The following GRM5 variants were observed in gnomAD, a reference collection of about 807,000 sequenced individuals.
GRM5 encodes the protein metabotropic glutamate receptor 5.
In GRM5, 19 loss-of-function variants were observed where a neutral mutation model predicts 83.1. The observed-to-expected ratio is 0.23, with a 90% CI of 0.16 to 0.34. The LOEUF is 0.34. Among genes scored for constraint, GRM5 ranks in the 10% least tolerant of loss-of-function variants. The probability of loss-of-function intolerance (pLI) is 1.00; values close to 1 mark genes in which losing one functional copy is unlikely to be tolerated. For synonymous variants in GRM5, 675 were observed against 633.6 expected (o/e 1.07, Z -0.98); for missense variants, 1,160 against 1,588.3 (o/e 0.73, Z 4.58).
At chr11:88,692,887 G>A (rs936935687) in intron 3 of GRM5, among the ~76,000 whole-genome samples, 4 of 152,058 alleles carry the variant, frequency 2.6e-5, no homozygotes, top group Non-Finnish European at 5.9e-5. Context: ...CATAGTCAAC[G>A]TGAGGAGAAA....
chr11:89,040,425 CAATGTCGGTTGTCGT>C (rs1941502506), intron 2 of GRM5, among the ~76,000 whole-genome samples: 1 of 152,128 alleles, frequency 6.6e-6, no homozygotes, highest in African/African-American at 2.4e-5. Context: ...GAAAGAAAGA[CAATGTCGGTTGTCGT>C]AGCTCACACC....
intron 2 of GRM5, among the ~76,000 whole-genome samples, chr11:88,983,901 T>C (rs1235968334): frequency 6.6e-6 from 1 of 152,024 alleles, no homozygotes; most frequent in Non-Finnish European, 1.5e-5. Flanking sequence ...GAAGCTAATG[T>C]GTGTGTTTCT....
At chr11:88,708,524 A>T (rs1421825569) in intron 3 of GRM5, among the ~76,000 whole-genome samples, 1 of 152,090 alleles carries the variant, frequency 6.6e-6, no homozygotes, top group Non-Finnish European at 1.5e-5. Context: ...ATGTAGTTTG[A>T]TCTTACAAAG....
intron 3 of GRM5, among the ~76,000 whole-genome samples, chr11:88,837,386 T>A (rs1424609107): frequency 6.6e-6 from 1 of 152,088 alleles, no homozygotes; most frequent in East Asian, 1.9e-4. Context: ...TAAAATGAAG[T>A]TAATAATAAT....
intron 2 of GRM5, among the ~76,000 whole-genome samples, chr11:88,891,390 C>T (rs909627337): frequency 6.6e-6 from 1 of 151,952 alleles, no homozygotes; most frequent in African/African-American, 2.4e-5. Flanking sequence ...AACAGACATA[C>T]CAAAATCAAA....
Position 88,526,527 on chromosome 11 carries a change from C to T in GRM5, c.2631-1123G>A, listed in dbSNP as rs538061320. Among the ~76,000 whole-genome samples the T allele has an allele frequency of 2.6e-5, 4 of 152,226 alleles. No individual in the cohort carries two copies. In the South Asian group the frequency reaches 8.3e-4, roughly 32 times the overall value. On this transcript the variant is annotated intron_variant, in intron 8 of 9. Transcript: ENST00000305447. ...ACCTTTTCCCTAATTAAACTGGAGC[C>T]TGGTATAACACCACTTCATCCACCT...
chr11:88,729,133 C>G (rs956340636), intron 3 of GRM5, among the ~76,000 whole-genome samples: 1 of 152,174 alleles, frequency 6.6e-6, no homozygotes, highest in Non-Finnish European at 1.5e-5. Flanking sequence ...ACCCCATCAT[C>G]ATAGCCCAAA....
chr11:89,002,965 T>C (rs1296139102), intron 2 of GRM5, among the ~76,000 whole-genome samples: 2 of 150,650 alleles, frequency 1.3e-5, no homozygotes, highest in Non-Finnish European at 3.0e-5. Context: ...TTTACTTTTC[T>C]TAGTGTCCAT....
rs113848985 is a variant in GRM5, at chr11:88,569,910, A to G, written c.1691-1918T>C. Among the ~76,000 whole-genome samples the G allele has an allele frequency of 1.8e-3, 274 of 152,308 alleles. 1 individual carries two copies. The highest frequency in any genetic ancestry group is 6.0e-3 in the African/African-American group (251 of 41,572). On this transcript the variant is annotated intron_variant, in intron 7 of 9. Transcript: ENST00000305447. The stretch of plus-strand genomic sequence containing the variant: ...TTGCAGTCAGTGGCTTTGAATATCA[A>G]TGGTTACTGGGAGGTAGGGGAGGCA...
At chr11:88,935,797 C>T (rs1002200174) in intron 2 of GRM5, among the ~76,000 whole-genome samples, 12 of 151,698 alleles carry the variant, frequency 7.9e-5, no homozygotes, top group African/African-American at 2.9e-4. Flanking sequence ...ATATTATTTC[C>T]CGTTAATTAT....
chr11:88,540,017 A>G (rs1942228183), intron 8 of GRM5, among the ~76,000 whole-genome samples: 1 of 152,204 alleles, frequency 6.6e-6, no homozygotes, highest in Non-Finnish European at 1.5e-5. Context: ...AGCATCTAGG[A>G]TAGGGCCTAG....
intron 2 of GRM5, among the ~76,000 whole-genome samples, chr11:88,856,512 C>A (rs948608315): frequency 3.9e-5 from 6 of 151,996 alleles, no homozygotes; most frequent in African/African-American, 1.4e-4. Context: ...CCTGAAAGAT[C>A]TGCCTGAAGC....
At chr11:88,899,988 T>C (rs2135594538) in intron 2 of GRM5, among the ~76,000 whole-genome samples, 1 of 152,234 alleles carries the variant, frequency 6.6e-6, no homozygotes, top group East Asian at 1.9e-4. Flanking sequence ...AAAAGATATA[T>C]TAGGAATAAC....
At chr11:88,711,457 C>G (rs1430639003) in intron 3 of GRM5, among the ~76,000 whole-genome samples, 1 of 152,086 alleles carries the variant, frequency 6.6e-6, no homozygotes, top group African/African-American at 2.4e-5. Context: ...AGGAATATGT[C>G]TAATCAAATG....
chr11:88,609,832 C>A (rs906907999), intron 4 of GRM5, among the ~76,000 whole-genome samples: 1 of 152,134 alleles, frequency 6.6e-6, no homozygotes, highest in Non-Finnish European at 1.5e-5. Context: ...AATGGTATTT[C>A]TTAGGATTTC....
At chr11:88,886,008 T>A (rs1945039100) in intron 2 of GRM5, among the ~76,000 whole-genome samples, 1 of 152,148 alleles carries the variant, frequency 6.6e-6, no homozygotes, top group Non-Finnish European at 1.5e-5. Context: ...TAAGGTGGGG[T>A]GACCAGCCTT....
chr11:88,893,140 A>AT (rs1372117343), intron 2 of GRM5, among the ~76,000 whole-genome samples: 2 of 147,928 alleles, frequency 1.4e-5, no homozygotes. Context: ...GATAATAGTC[A>AT]CCAAAAAAAA....
At chr11:88,662,983 AC>A (rs1408978554) in intron 3 of GRM5, among the ~76,000 whole-genome samples, 3 of 152,238 alleles carry the variant, frequency 2.0e-5, no homozygotes, top group Non-Finnish European at 2.9e-5. Context: ...CAGACTCCTG[AC>A]ATCCAGAAAG....
rs373898567 is a variant in GRM5, at chr11:88,784,012, G to A, written c.911+65894C>T. 9.2e-5 allele frequency among the ~76,000 whole-genome samples: 14 copies of A among 151,970 alleles called. 1 individual carries two copies. Among genetic ancestry groups the A allele is most frequent in the Middle Eastern group, 3.4e-3 (1 of 294 alleles). On this transcript the variant is annotated intron_variant, in intron 3 of 9. Coordinates refer to ENST00000305447, the MANE Select transcript of GRM5 (RefSeq NM_001143831.3). ...AGCCTCATACCAGCTTATAGGAGCCGATTACATTAATTTCTTCCCAGCTTC... is the reference window on the plus strand; with the variant it reads ...AGCCTCATACCAGCTTATAGGAGCCAATTACATTAATTTCTTCCCAGCTTC...
Sources: gnomAD v4.1 joint callset for allele counts (sites outside exome capture counted in the v4.1 genomes callset) on GRCh38, gnomAD v4.1.1 for gene constraint, MANE v1.5 for transcripts, NCBI Gene and HGNC (gene_info 2026-07-23, HGNC 2026-07-21) for gene names.